KIAA1328: variants seen among roughly 807,000 people sequenced by gnomAD.
KIAA1328 encodes the protein protein hinderin.
Under a neutral mutation model 68.1 loss-of-function variants are expected in KIAA1328, and 52 were observed. The observed-to-expected ratio is 0.76, with a 90% confidence interval of 0.61 to 0.96. The LOEUF is 0.96. Among genes scored for constraint, KIAA1328 ranks in the 40% least tolerant of loss-of-function variants. The pLI, the probability that KIAA1328 is intolerant of heterozygous loss-of-function variation, is 0.00. For missense variants in KIAA1328, 641 were observed against 677.6 expected, an observed-to-expected ratio of 0.95 and a Z score of 0.60; for synonymous variants, 232 against 239.4, an observed-to-expected ratio of 0.97 and a Z score of 0.28.
At chr18:36,971,812 AT>A (rs2052227172) in intron 6 of KIAA1328, among the ~76,000 whole-genome samples, 1 of 152,110 alleles carries the variant, frequency 6.6e-6, no homozygotes, top group Non-Finnish European at 1.5e-5. Flanking sequence ...ATATAAGAAT[AT>A]ATGGACCCAA....
intron 1 of KIAA1328, among the ~76,000 whole-genome samples, chr18:36,830,568 G>T (rs775263494): frequency 2.6e-5 from 4 of 152,036 alleles, no homozygotes; most frequent in Non-Finnish European, 1.5e-5. Context: ...TTCAAATATA[G>T]AATCAATGGT....
intron 9 of KIAA1328, among the ~76,000 whole-genome samples, chr18:37,176,270 A>G (rs550855631): frequency 3.3e-5 from 5 of 152,348 alleles, no homozygotes; most frequent in Non-Finnish European, 4.4e-5. Flanking sequence ...TGCAAATATA[A>G]TATTTATTAA....
At chr18:36,942,231 A>G (rs1377700124) in intron 5 of KIAA1328, among the ~76,000 whole-genome samples, 1 of 152,194 alleles carries the variant, frequency 6.6e-6, no homozygotes, top group Non-Finnish European at 1.5e-5. Context: ...AAATATTTCT[A>G]CTGGGCTTGG....
intron 5 of KIAA1328, among the ~76,000 whole-genome samples, chr18:36,922,637 C>T (rs942158790): frequency 6.6e-6 from 1 of 152,044 alleles, no homozygotes; most frequent in Non-Finnish European, 1.5e-5. Context: ...GAATTGGTTA[C>T]TAAAAATGTT....
At chr18:36,944,758 A>T (rs1410336319) in intron 5 of KIAA1328, among the ~76,000 whole-genome samples, 1 of 152,186 alleles carries the variant, frequency 6.6e-6, no homozygotes, top group African/African-American at 2.4e-5. Flanking sequence ...AGGAGAGGAG[A>T]TCTGTTGAAG....
At chr18:37,044,608 C>A (rs907290871) in intron 6 of KIAA1328, among the ~76,000 whole-genome samples, 1 of 151,708 alleles carries the variant, frequency 6.6e-6, no homozygotes, top group Non-Finnish European at 1.5e-5. Context: ...CCAGCCTGGC[C>A]AAGATGCTGA....
intron 5 of KIAA1328, among the ~76,000 whole-genome samples, chr18:36,889,337 G>T (rs1024181325): frequency 6.6e-6 from 1 of 152,170 alleles, no homozygotes; most frequent in East Asian, 1.9e-4. Flanking sequence ...AAACATGTTG[G>T]CATGTAATAG....
chr18:37,180,058 CCACACA>C (rs139301794), intron 9 of KIAA1328, among the ~76,000 whole-genome samples: 36,839 of 133,910 alleles, frequency 0.28, 5,139 homozygotes, highest in East Asian at 0.48. Flanking sequence ...GATTCAAAAG[CCACACA>C]CACACACACA....
At chr18:37,152,003 A>G (rs1341540900) in intron 7 of KIAA1328, among the ~76,000 whole-genome samples, 4 of 149,296 alleles carry the variant, frequency 2.7e-5, no homozygotes, top group Admixed American at 1.3e-4. Flanking sequence ...CTTCCTTAGG[A>G]GTAGCCCAGT....
downstream of KIAA1328, among the ~76,000 whole-genome samples, chr18:37,228,887 A>AT (rs1374721298): frequency 2.6e-5 from 4 of 152,112 alleles, no homozygotes; most frequent in Admixed American, 6.5e-5. Flanking sequence ...GCAATAAAGG[A>AT]TTTTAAGTTA....
intron 5 of KIAA1328, among the ~76,000 whole-genome samples, chr18:36,951,037 C>G (rs1397788681): frequency 6.6e-6 from 1 of 152,156 alleles, no homozygotes; most frequent in Non-Finnish European, 1.5e-5. Context: ...TGGACACAGT[C>G]GACTTCATCT....
At chr18:37,148,163 G>T (rs2058947241) in intron 7 of KIAA1328, among the ~76,000 whole-genome samples, 1 of 151,962 alleles carries the variant, frequency 6.6e-6, no homozygotes, top group Non-Finnish European at 1.5e-5. Flanking sequence ...ACGGTGTGTT[G>T]TTTCCCTCCC....
intron 7 of KIAA1328, among the ~76,000 whole-genome samples, chr18:37,080,050 A>G (rs1441438641): frequency 1.3e-5 from 2 of 152,202 alleles, no homozygotes; most frequent in African/African-American, 4.8e-5. Context: ...AGAAAGCAAG[A>G]TGACCAGGAA....
intron 8 of KIAA1328, among the ~76,000 whole-genome samples, chr18:37,163,555 T>C (rs2059326055): frequency 1.3e-5 from 2 of 152,154 alleles, no homozygotes; most frequent in African/African-American, 4.8e-5. Context: ...CCCAAACACA[T>C]ATTTTTTTTT....
chr18:36,849,150 G>T (rs1051447052), intron 4 of KIAA1328, among the ~76,000 whole-genome samples: 1 of 151,838 alleles, frequency 6.6e-6, no homozygotes, highest in African/African-American at 2.4e-5. Context: ...TTCATCTTCT[G>T]TGAAACGCAA....
At chr18:36,885,508 T>C (rs1412352615) in intron 4 of KIAA1328, 49 bp from the exon 5 acceptor site, 4 of 1,141,070 alleles carry the variant, frequency 3.5e-6, no homozygotes, top group African/African-American at 1.6e-5. Flanking sequence ...TAGGCACATA[T>C]TTAATTTTAT....
At chr18:37,091,004 A>T (rs1000144262) in intron 7 of KIAA1328, among the ~76,000 whole-genome samples, 14 of 152,234 alleles carry the variant, frequency 9.2e-5, no homozygotes, top group Admixed American at 2.0e-4. Flanking sequence ...ACGAAGTAAT[A>T]CATCCAGAAT....
At chr18:37,192,827 T>G (rs950504598) in intron 9 of KIAA1328, among the ~76,000 whole-genome samples, 1 of 152,220 alleles carries the variant, frequency 6.6e-6, no homozygotes. Context: ...GATTAAGATA[T>G]CTTAAGTTTC....
intron 7 of KIAA1328, among the ~76,000 whole-genome samples, chr18:37,154,151 A>G (rs1207135544): frequency 6.6e-6 from 1 of 152,198 alleles, no homozygotes; most frequent in African/African-American, 2.4e-5. Flanking sequence ...AATCACCTAT[A>G]GAACTTTTTT....
Sources: allele counts gnomAD v4.1 joint callset (sites outside exome capture counted in the v4.1 genomes callset), GRCh38; gene constraint gnomAD v4.1.1; transcripts MANE v1.5; gene names NCBI Gene and HGNC (gene_info 2026-07-23, HGNC 2026-07-21).